Variants in TMEM106B observed in about 807,000 individuals in gnomAD.
TMEM106B encodes the protein transmembrane protein 106B.
A neutral mutation model predicts 31.1 loss-of-function variants in TMEM106B; 15 were observed. The ratio of observed to expected loss-of-function variants is 0.48; its 90% CI spans 0.32 to 0.74. The LOEUF is 0.74. Among genes scored for constraint, TMEM106B ranks in the 30% least tolerant of loss-of-function variants. TMEM106B has a pLI of 0.03. For synonymous variants in TMEM106B, 126 were observed against 112.5 expected (o/e 1.12, Z -0.76); for missense variants, 283 against 327.3 (o/e 0.86, Z 1.04).
In TMEM106B at chr7:12,231,996, A is replaced by C. The variant is rs376485898; in HGVS notation, c.*21A>C. On this transcript the variant is annotated 3_prime_UTR_variant, in exon 8 of 8. Transcript: ENST00000396668. ...AGTAAAAACTGGAAGAGATGGATTT[A>C]AAGAAGAAATATCTATTGATATTTC... 185 of 1,605,496 alleles carry C rather than the reference A, an allele frequency of 1.2e-4. 1 individual carries two copies. The highest frequency in any genetic ancestry group is 1.5e-4 in the Non-Finnish European group (180 of 1,174,148).
At chr7:12,230,606 TTC>T in intron 6 of TMEM106B, 168 bp downstream of exon 6, 2 of 500,228 alleles carry the variant, frequency 4.0e-6, no homozygotes, top group Non-Finnish European at 6.9e-6. Context: ...ATATATAATA[TTC>T]ATGTATATAT....
rs34391411 is a variant in TMEM106B at position 12,238,780 on chromosome 7, TCAA to T, written c.*6809_*6811del. 8,564 of 152,166 alleles carry T rather than the reference TCAA, an allele frequency of 0.056. 331 individuals carry two copies. Among genetic ancestry groups the T allele is most frequent in the Middle Eastern group, 0.11 (32 of 294 alleles). 9.4% of individuals were successfully genotyped at this position (152,166 alleles called of 1,614,324 possible). ...AGGAATTTTTTTTTCCAAGCAGGTC[TCAA>T]CAATGGGCTTAAAATATTCAGTGAA... On this transcript the variant is annotated 3_prime_UTR_variant, in exon 8 of 8. Transcript: ENST00000396668.
In TMEM106B at chr7:12,218,374, T is replaced by C. The variant is rs1206901431; in HGVS notation, c.218-84T>C. 1.1e-5 allele frequency: 12 copies of C among 1,136,892 alleles called. No individual in the cohort carries two copies. In the East Asian group the frequency reaches 2.5e-4, roughly 24 times the overall value. The allele number at this position is 1,136,892 out of a possible 1,614,324, so 70.4% of individuals were successfully genotyped here. A position where few individuals can be genotyped will look rare whatever the true frequency, so the allele number is the denominator to read the frequency against. On this transcript the variant is annotated intron_variant, in intron 2 of 7. Transcript: ENST00000396668. Reference sequence around the variant, plus strand: ...AGATGAGTGCCAGATGATATTCTGGTCTTTCCAAACCAGATTGTGATGGGG... The same window carrying C: ...AGATGAGTGCCAGATGATATTCTGGCCTTTCCAAACCAGATTGTGATGGGG...
In TMEM106B at chr7:12,243,231, G is replaced by C. The variant is rs1467183195; in HGVS notation, c.*11256G>C. ...GGCTTAATATATATGACTACTATAA[G>C]TCAACCTCACATTTTAATGTATGAA... is the stretch of plus-strand genomic sequence containing the variant. On this transcript the variant is annotated 3_prime_UTR_variant, in exon 8 of 8. Transcript: ENST00000396668. The C allele has an allele frequency of 2.0e-5, 3 of 151,992 alleles. No individual in the cohort carries two copies. The highest frequency in any genetic ancestry group is 7.2e-5 in the African/African-American group (3 of 41,390). 9.4% of individuals were successfully genotyped at this position (151,992 alleles called of 1,614,324 possible). A position where few individuals can be genotyped will look rare whatever the true frequency, so the allele number is the denominator to read the frequency against.
At chr7:12,215,791 T>TGTGAAGAGGGATGGTAC (rs1781675284) in intron 2 of TMEM106B, 1 of 174,608 alleles carries the variant, frequency 5.7e-6, no homozygotes, top group Non-Finnish European at 1.4e-5. Context: ...AAAGAAACTC[T>TGTGAAGAGGGATGGTAC]GTGAAGAGGG....
chr7:12,225,865 A>G (rs1781891110), intron 4 of TMEM106B, among the ~76,000 whole-genome samples: 1 of 152,124 alleles, frequency 6.6e-6, no homozygotes, highest in Non-Finnish European at 1.5e-5. Context: ...CTTTAATTAG[A>G]TCACATTTGT....
rs1278808906 is a variant in TMEM106B at position 12,238,563 on chromosome 7, T to C, written c.*6588T>C. The C allele has an allele frequency of 1.3e-5, 2 of 152,222 alleles. No homozygotes were observed. The highest frequency in any genetic ancestry group is 2.9e-5 in the Non-Finnish European group (2 of 68,070). The allele number at this position is 152,222 out of a possible 1,614,324, so 9.4% of individuals were successfully genotyped here. A position where few individuals can be genotyped will look rare whatever the true frequency, so the allele number is the denominator to read the frequency against. Reference sequence around the variant, plus strand: ...TGCCCAGATCCATCAGAGGAATCACTACCTATGACAGCTATGGTCTTACAA... The same window carrying C: ...TGCCCAGATCCATCAGAGGAATCACCACCTATGACAGCTATGGTCTTACAA... On this transcript the variant is annotated 3_prime_UTR_variant, in exon 8 of 8. Coordinates refer to ENST00000396668, the MANE Select transcript of TMEM106B (RefSeq NM_001134232.2).
chr7:12,218,591 TATA>T (rs1781731892), intron 3 of TMEM106B, 70 bp downstream of exon 3: 2 of 1,269,834 alleles, frequency 1.6e-6, no homozygotes, highest in Admixed American at 2.2e-5. Flanking sequence ...TCAAATTATG[TATA>T]ATAACTAGTT....
At chr7:12,225,183 C>G (rs1264109132) in intron 4 of TMEM106B, among the ~76,000 whole-genome samples, 5 of 152,200 alleles carry the variant, frequency 3.3e-5, no homozygotes, top group African/African-American at 1.2e-4. Flanking sequence ...CACGTCCCTA[C>G]AAAGGACATG....
intron 4 of TMEM106B, among the ~76,000 whole-genome samples, 190 bp downstream of exon 4, chr7:12,224,575 A>C (rs1318643289): frequency 1.8e-4 from 27 of 152,192 alleles, no homozygotes; most frequent in Admixed American, 1.8e-3. Context: ...AAATACTGGC[A>C]ATTCTGTATA....
At chr7:12,224,916 A>G (rs1262964) in intron 4 of TMEM106B, among the ~76,000 whole-genome samples, 151,823 of 151,926 alleles carry the variant, frequency 1, 75,860 homozygotes, top group Middle Eastern at 1. Context: ...TGTGCACAGC[A>G]TGCAGGTTTG....
rs1782215110 is a variant in TMEM106B at position 12,240,197 on chromosome 7, T to C, written c.*8222T>C. Reference sequence around the variant, plus strand: ...TTCTCATTGGGAACAGTTCATTCCTTTATCCCTTCGCTCATTCTGTTCCTT... The same window carrying C: ...TTCTCATTGGGAACAGTTCATTCCTCTATCCCTTCGCTCATTCTGTTCCTT... On this transcript the variant is annotated 3_prime_UTR_variant, in exon 8 of 8. Coordinates refer to ENST00000396668, the MANE Select transcript of TMEM106B (RefSeq NM_001134232.2). The C allele has an allele frequency of 6.6e-6, 1 of 152,152 alleles. No homozygotes were observed. Among genetic ancestry groups the C allele is most frequent in the African/African-American group, 2.4e-5 (1 of 41,426 alleles). The allele number at this position is 152,152 out of a possible 1,614,324, so 9.4% of individuals were successfully genotyped here.
intron 5 of TMEM106B, 89 bp downstream of exon 5, chr7:12,229,908 C>T (rs1213969575): frequency 5.8e-6 from 8 of 1,384,828 alleles, no homozygotes; most frequent in African/African-American, 1.5e-5. Flanking sequence ...GGGATTTCCT[C>T]AAAAACTTGA....
rs1416178744 is a variant in TMEM106B at position 12,214,927 on chromosome 7, T to C, written c.117T>C (p.Asp39=). 3 of 1,614,080 alleles carry C rather than the reference T, an allele frequency of 1.9e-6. No homozygotes were observed. The highest frequency in any genetic ancestry group is 2.5e-6 in the Non-Finnish European group (3 of 1,179,992). The change falls in exon 2 of 8, where the codon GAT becomes GAC. Residue 39 remains aspartate, a synonymous_variant. Coordinates refer to ENST00000396668, the MANE Select transcript of TMEM106B (RefSeq NM_001134232.2). ...TTAATAGTGAAGTCCATAATGAAGATGGAAGAAATGGAGATGTCTCTCAGT... is the reference window on the plus strand; with the variant it reads ...TTAATAGTGAAGTCCATAATGAAGACGGAAGAAATGGAGATGTCTCTCAGT... ...GLVNSEVHNE[D]GRNGDVSQFP... is the part of the protein sequence containing the mutation.
intron 2 of TMEM106B, among the ~76,000 whole-genome samples, chr7:12,217,445 A>T (rs1434328278): frequency 6.6e-6 from 1 of 152,232 alleles, no homozygotes; most frequent in Non-Finnish European, 1.5e-5. Context: ...TGGGAAATGT[A>T]GTATGATTGT....
chr7:12,231,053 CT>C lies in TMEM106B; in HGVS notation c.633-6del. ...CTTGCATTTGTTCACATTTTAATTT[CT>C]TTAACAGTGATTTCTGTACTCTGAT... is the stretch of plus-strand genomic sequence containing the variant. On this transcript the variant is annotated splice_polypyrimidine_tract_variant and splice_region_variant and intron_variant, in intron 6 of 7. Coordinates refer to ENST00000396668, the MANE Select transcript of TMEM106B (RefSeq NM_001134232.2). The C allele has an allele frequency of 6.3e-7, 1 of 1,578,044 alleles. No homozygotes were observed. Among genetic ancestry groups the C allele is most frequent in the Non-Finnish European group, 8.6e-7 (1 of 1,158,544 alleles).
intron 1 of TMEM106B, among the ~76,000 whole-genome samples, chr7:12,213,302 A>C (rs1399983299): frequency 2.6e-5 from 4 of 152,084 alleles, no homozygotes; most frequent in African/African-American, 4.8e-5. Flanking sequence ...TGAAAAAAAA[A>C]CTGTGATTTT....
rs758808510 is a variant in TMEM106B at position 12,215,027 on chromosome 7, G to T, written c.217G>T (p.Gly73Trp). Residue 73 changes from glycine to tryptophan, a missense_variant and splice_region_variant, in exon 2 of 8, where the codon GGG (glycine) becomes TGG (tryptophan). Around this residue, in one of 3 missense-constraint regions of TMEM106B, gnomAD observed 77 missense variants for 89.4 expected, o/e 0.86. Transcript: ENST00000396668. The part of the protein sequence containing the change: ...TCQGTGRIPR[G>W]QENQLVALIP... ...TCAGGGAACAGGAAGAATTCCTAGG[G>T]GTATGTGTTATTGTATTGTTTTCCC... The T allele has an allele frequency of 6.2e-7, 1 of 1,611,562 alleles. No individual in the cohort carries two copies. The highest frequency in any genetic ancestry group is 1.3e-5 in the African/African-American group (1 of 74,910).
Position 12,216,327 on chromosome 7 carries a change from T to G in TMEM106B, c.217+1300T>G, listed in dbSNP as rs536663678. On this transcript the variant is annotated intron_variant, in intron 2 of 7. Coordinates refer to ENST00000396668, the MANE Select transcript of TMEM106B (RefSeq NM_001134232.2). ...ATCAAGGATGACTCCAGAGTTTTTTTGGGGGGGTTTGTTTGAGCAACTGAA... is the reference window on the plus strand; with the variant it reads ...ATCAAGGATGACTCCAGAGTTTTTTGGGGGGGGTTTGTTTGAGCAACTGAA... 2.0e-3 allele frequency among the ~76,000 whole-genome samples: 306 copies of G among 151,710 alleles called. 3 individuals carry two copies. Among genetic ancestry groups the G allele is most frequent in the African/African-American group, 6.9e-3 (286 of 41,300 alleles).
Sources: gnomAD v4.1 joint callset for allele counts (sites outside exome capture counted in the v4.1 genomes callset) on GRCh38, gnomAD v4.1.1 for gene constraint, gnomAD v4.1.1 regional missense constraint, MANE v1.5 for transcripts, NCBI Gene and HGNC (gene_info 2026-07-23, HGNC 2026-07-21) for gene names.